Variants in FSIP1 observed in about 807,000 individuals in gnomAD.
The protein encoded by FSIP1 is fibrous sheath-interacting protein 1.
FSIP1 carries 65 observed loss-of-function variants against 60.9 expected under a neutral mutation model. The observed-to-expected ratio is 1.07, with a 90% CI of 0.87 to 1.31. FSIP1 has a LOEUF of 1.31. Among genes scored for constraint, FSIP1 ranks in the 40% most tolerant of loss-of-function variants. FSIP1 has a pLI of 0.00. For synonymous variants in FSIP1, 209 were observed against 221.2 expected (o/e 0.94, Z 0.49); for missense variants, 675 against 665.5 (o/e 1.01, Z -0.16).
chr15:39,631,360 C>T (rs571146457), intron 10 of FSIP1, among the ~76,000 whole-genome samples: 58 of 152,300 alleles, frequency 3.8e-4, no homozygotes, highest in African/African-American at 1.3e-3. Context: ...AATTAATGAA[C>T]CTTTGTTTAT....
chr15:39,755,647 T>A (rs1897279005), intron 5 of FSIP1, among the ~76,000 whole-genome samples: 1 of 152,120 alleles, frequency 6.6e-6, no homozygotes, highest in Non-Finnish European at 1.5e-5. Context: ...ACTACCAGAT[T>A]TTCTTTGAGT....
chr15:39,655,348 G>A (rs1566871580), intron 10 of FSIP1, among the ~76,000 whole-genome samples: 1 of 152,154 alleles, frequency 6.6e-6, no homozygotes, highest in Non-Finnish European at 1.5e-5. Context: ...ATGTGCAAAT[G>A]TACTGAACTA....
chr15:39,760,829 C>T (rs1258645102), intron 5 of FSIP1, among the ~76,000 whole-genome samples: 2 of 151,988 alleles, frequency 1.3e-5, no homozygotes, highest in Non-Finnish European at 1.5e-5. Context: ...GTTTTGATCA[C>T]TATGGTTATG....
At chr15:39,649,440 C>G (rs769259849) in intron 10 of FSIP1, among the ~76,000 whole-genome samples, 1 of 152,304 alleles carries the variant, frequency 6.6e-6, no homozygotes, top group Middle Eastern at 3.4e-3. Context: ...TAATACTTTA[C>G]TATCCCTTTG....
At chr15:39,726,535 T>G (rs147919530) in intron 9 of FSIP1, 54 bp downstream of exon 9, 1 of 1,583,838 alleles carries the variant, frequency 6.3e-7, no homozygotes. Context: ...TGTAAAATTA[T>G]GTGAACAGCT....
intron 3 of FSIP1, among the ~76,000 whole-genome samples, chr15:39,766,848 C>CT (rs1467778857): frequency 6.6e-6 from 1 of 151,632 alleles, no homozygotes; most frequent in East Asian, 1.9e-4. Context: ...TCTTCTTCTT[C>CT]TTTTTTTAAG....
chr15:39,742,495 C>T (rs1190774253), intron 5 of FSIP1, among the ~76,000 whole-genome samples: 2 of 152,120 alleles, frequency 1.3e-5, no homozygotes, highest in African/African-American at 4.8e-5. Flanking sequence ...TTAGCTAATT[C>T]GGACACTGTA....
At chr15:39,614,458 A>C (rs1352763701) in intron 11 of FSIP1, among the ~76,000 whole-genome samples, 1 of 152,152 alleles carries the variant, frequency 6.6e-6, no homozygotes, top group Non-Finnish European at 1.5e-5. Context: ...AGCCTGGCCC[A>C]CATGGTGAAA....
intron 9 of FSIP1, 76 bp from the exon 10 acceptor site, chr15:39,713,657 G>C (rs1895620088): frequency 7.5e-7 from 1 of 1,329,790 alleles, no homozygotes; most frequent in Admixed American, 2.3e-5. Flanking sequence ...AAGCAACTGA[G>C]CCTTGAGGGT....
chr15:39,619,939 A>G (rs1226964291), intron 10 of FSIP1, among the ~76,000 whole-genome samples: 1 of 152,170 alleles, frequency 6.6e-6, no homozygotes, highest in African/African-American at 2.4e-5. Context: ...AGATTATCCA[A>G]TATGCTTGAC....
Position 39,600,152 on chromosome 15 carries a change from A to G in FSIP1, c.*728T>C, listed in dbSNP as rs1403960770. ...TCATCTTATGGAATGTCAACACAAA[A>G]TTTTCTCATGAATCTAAGTTACTGA... On this transcript the variant is annotated 3_prime_UTR_variant, in exon 12 of 12. Coordinates refer to ENST00000350221, the MANE Select transcript of FSIP1 (RefSeq NM_152597.5). 1 of 152,174 alleles carries G rather than the reference A, an allele frequency of 6.6e-6. No homozygotes were observed. The highest frequency in any genetic ancestry group is 6.5e-5 in the Admixed American group (1 of 15,272). The allele number at this position is 152,174 out of a possible 1,614,324, so 9.4% of individuals were successfully genotyped here.
chr15:39,744,777 T>TCACACACATACACACA (rs370341652), intron 5 of FSIP1, among the ~76,000 whole-genome samples: 2 of 137,966 alleles, frequency 1.4e-5, no homozygotes, highest in African/African-American at 5.5e-5. Flanking sequence ...TCCCCCTCAG[T>TCACACACATACACACA]CACACACACA....
chr15:39,726,832 G>A (rs1896218465), intron 8 of FSIP1, 85 bp from the exon 9 acceptor site: 2 of 904,232 alleles, frequency 2.2e-6, no homozygotes, highest in Non-Finnish European at 3.4e-6. Context: ...ACAGTGCCCA[G>A]GTCTTCACAT....
intron 1 of FSIP1, among the ~76,000 whole-genome samples, chr15:39,778,859 T>A (rs1337256954): frequency 2.6e-5 from 4 of 152,060 alleles, no homozygotes; most frequent in Non-Finnish European, 5.9e-5. Context: ...TAATAAAAAA[T>A]ATGAAATCTC....
At chr15:39,656,814 T>C (rs1233170933) in intron 10 of FSIP1, among the ~76,000 whole-genome samples, 3 of 152,228 alleles carry the variant, frequency 2.0e-5, no homozygotes, top group African/African-American at 4.8e-5. Flanking sequence ...AAAATGTTTA[T>C]AAGAACAAGA....
At chr15:39,605,903 G>A (rs994982689) in intron 11 of FSIP1, among the ~76,000 whole-genome samples, 18 of 152,204 alleles carry the variant, frequency 1.2e-4, no homozygotes, top group Admixed American at 8.5e-4. Flanking sequence ...AGGTGTAGAG[G>A]AGAGAGAGAG....
At position 39,689,179 on chromosome 15, in the gene FSIP1, C is replaced by T. The variant is rs74666675; in HGVS notation, c.1188+24265G>A. On this transcript the variant is annotated intron_variant, in intron 10 of 11. Transcript: ENST00000350221. The stretch of plus-strand genomic sequence containing the variant: ...AGGATACTACTGAGGAACAGCCAAA[C>T]GGAACAGATGCATAGGGAGATGTAC... Among the ~76,000 whole-genome samples, 207 of 152,182 alleles carry T rather than the reference C, an allele frequency of 1.4e-3. 1 individual carries two copies. Among genetic ancestry groups the T allele is most frequent in the African/African-American group, 4.4e-3 (183 of 41,526 alleles).
chr15:39,724,614 T>C (rs556231257), intron 9 of FSIP1, among the ~76,000 whole-genome samples: 1 of 152,308 alleles, frequency 6.6e-6, no homozygotes, highest in African/African-American at 2.4e-5. Context: ...CTCTGTCTCT[T>C]TTAAGAAGAG....
chr15:39,617,196 ATTTG>A (rs936366337), intron 11 of FSIP1, among the ~76,000 whole-genome samples: 6 of 152,198 alleles, frequency 3.9e-5, no homozygotes, highest in Non-Finnish European at 7.4e-5. Context: ...ATAATTGAAT[ATTTG>A]TTTGTGTCGA....
Sources: allele counts gnomAD v4.1 joint callset (sites outside exome capture counted in the v4.1 genomes callset), GRCh38; gene constraint gnomAD v4.1.1; transcripts MANE v1.5; gene names NCBI Gene and HGNC (gene_info 2026-07-23, HGNC 2026-07-21).